Variants in BTBD9 observed in about 807,000 individuals in gnomAD.
BTBD9 encodes the protein BTB domain containing 9.
A neutral mutation model predicts 64.3 loss-of-function variants in BTBD9; 49 were observed. The ratio of observed to expected loss-of-function variants is 0.76; its 90% CI spans 0.61 to 0.97. BTBD9 has a LOEUF of 0.97. Ranked by LOEUF, BTBD9 falls within the 50% of genes least tolerant of loss-of-function variation. The pLI is 0.00. For synonymous variants in BTBD9, 260 were observed against 274.7 expected, an observed-to-expected ratio of 0.95 and a Z score of 0.53; for missense variants, 598 against 762.1, an observed-to-expected ratio of 0.78 and a Z score of 2.53.
At chr6:38,613,626 T>C (rs1284423627) in intron 1 of BTBD9, among the ~76,000 whole-genome samples, 1 of 151,918 alleles carries the variant, frequency 6.6e-6, no homozygotes, top group South Asian at 2.1e-4. Flanking sequence ...ACTTTATCTT[T>C]TTTAAAAAAA....
intron 7 of BTBD9, among the ~76,000 whole-genome samples, chr6:38,315,227 A>C (rs1378930318): frequency 6.6e-6 from 1 of 152,162 alleles, no homozygotes; most frequent in Non-Finnish European, 1.5e-5. Context: ...TTCAAAAAGG[A>C]AACTTTTTGT....
At chr6:38,604,164 A>G (rs1342723932) in intron 1 of BTBD9, among the ~76,000 whole-genome samples, 2 of 152,232 alleles carry the variant, frequency 1.3e-5, no homozygotes, top group Admixed American at 6.5e-5. Context: ...GTAAAGTGCT[A>G]CGTAAGAACA....
intron 6 of BTBD9, among the ~76,000 whole-genome samples, chr6:38,377,987 A>G (rs9349076): frequency 0.2 from 29,863 of 151,982 alleles, 3,808 homozygotes; most frequent in East Asian, 0.49. Context: ...ATCCTGCTCT[A>G]CTCACCCTTC....
intron 9 of BTBD9, among the ~76,000 whole-genome samples, chr6:38,229,900 G>A (rs148954734): frequency 1.3e-5 from 2 of 152,234 alleles, no homozygotes; most frequent in African/African-American, 4.8e-5. Context: ...CCAGAAACCC[G>A]AGAAGCATGC....
At chr6:38,350,767 T>C (rs1028876841) in intron 6 of BTBD9, among the ~76,000 whole-genome samples, 4 of 152,260 alleles carry the variant, frequency 2.6e-5, no homozygotes, top group African/African-American at 7.2e-5. Flanking sequence ...TTGTTGTTTG[T>C]TGTGGCCAGA....
At chr6:38,200,132 G>T (rs958412541) in intron 9 of BTBD9, among the ~76,000 whole-genome samples, 1 of 152,184 alleles carries the variant, frequency 6.6e-6, no homozygotes, top group Non-Finnish European at 1.5e-5. Flanking sequence ...CCACAGCAGG[G>T]GCTGAGGTAT....
intron 6 of BTBD9, among the ~76,000 whole-genome samples, chr6:38,518,072 C>T (rs1773117490): frequency 6.6e-6 from 1 of 152,142 alleles, no homozygotes; most frequent in African/African-American, 2.4e-5. Context: ...CACCTAAAAA[C>T]CTAAAAGACC....
At chr6:38,610,925 G>C (rs73733958) in intron 1 of BTBD9, among the ~76,000 whole-genome samples, 13 of 144,330 alleles carry the variant, frequency 9.0e-5, no homozygotes, top group Non-Finnish European at 1.8e-4. Flanking sequence ...GGTGGGGGGG[G>C]GACTAAACGT....
chr6:38,275,133 C>G (rs913951389), intron 8 of BTBD9, among the ~76,000 whole-genome samples: 1 of 152,218 alleles, frequency 6.6e-6, no homozygotes, highest in Admixed American at 6.5e-5. Flanking sequence ...CAGCATGGTA[C>G]TGGTTCCAAA....
rs1766668939 is a variant in BTBD9, at chr6:38,169,687, AG to A, written c.*5297del. 6.6e-6 allele frequency: 1 copy of A among 152,226 alleles called. No homozygotes were observed. Among genetic ancestry groups the A allele is most frequent in the Non-Finnish European group, 1.5e-5 (1 of 68,108 alleles). 9.4% of individuals were successfully genotyped at this position (152,226 alleles called of 1,614,324 possible). ...CGCAGTGACAGCCTTGGGGAGGCTG[AG>A]GGGGCTCTGTCAACCAGGGGACACT... On this transcript the variant is annotated 3_prime_UTR_variant, in exon 11 of 11. Coordinates refer to ENST00000481247, the MANE Select transcript of BTBD9 (RefSeq NM_001099272.2).
rs187655125 is a variant in BTBD9 at position 38,567,433 on chromosome 6, C to T, written c.1154+10167G>A. Reference sequence around the variant, plus strand: ...TTATAATTTGAAACATAAGTAAGGCCGCTAAAGAAAATATTACAGCTCTTA... The same window carrying T: ...TTATAATTTGAAACATAAGTAAGGCTGCTAAAGAAAATATTACAGCTCTTA... On this transcript the variant is annotated intron_variant, in intron 6 of 10. Transcript: ENST00000481247. Among the ~76,000 whole-genome samples, 111 of 152,156 alleles carry T rather than the reference C, an allele frequency of 7.3e-4. 1 individual carries two copies. The East Asian group carries it at 0.019, about 25-fold the overall frequency.
rs892136988 is a variant in BTBD9, at chr6:38,184,345, G to A, written c.1641+8174C>T. On this transcript the variant is annotated intron_variant, in intron 10 of 10. Transcript: ENST00000481247. The surrounding 1 kb of genome is among the most constrained non-coding windows in gnomAD (Gnocchi z 4.4). The stretch of plus-strand genomic sequence containing the variant: ...CTCGCATGCACCATACAGGGCCTCC[G>A]TGCTGCCATCTGAAACCTAAGTTTG... Among the ~76,000 whole-genome samples the A allele has an allele frequency of 6.6e-6, 1 of 152,196 alleles. No homozygotes were observed. The highest frequency in any genetic ancestry group is 1.5e-5 in the Non-Finnish European group (1 of 68,040).
In BTBD9 at chr6:38,480,846, T is replaced by TACCA. The variant is rs756338577; in HGVS notation, c.1154+96753_1154+96754insTGGT. Among the ~76,000 whole-genome samples, 1,055 of 152,254 alleles carry TACCA rather than the reference T, an allele frequency of 6.9e-3. 6 individuals carry two copies. Among genetic ancestry groups the TACCA allele is most frequent in the African/African-American group, 0.024 (997 of 41,524 alleles). On this transcript the variant is annotated intron_variant, in intron 6 of 10. Transcript: ENST00000481247. ...CTTCCCAAACAGACTGTAGTGTTGG[T>TACCA]AGACAGCATATAGCCATCACACAGG...
chr6:38,613,359 C>T (rs1385392359), intron 1 of BTBD9, among the ~76,000 whole-genome samples: 2 of 152,166 alleles, frequency 1.3e-5, no homozygotes, highest in Non-Finnish European at 2.9e-5. Flanking sequence ...TGGTGACTCA[C>T]GCTTGTAATC....
intron 6 of BTBD9, among the ~76,000 whole-genome samples, chr6:38,559,182 C>T (rs1032973292): frequency 6.6e-5 from 10 of 152,068 alleles, no homozygotes; most frequent in African/African-American, 9.7e-5. Context: ...CATTTCTTCT[C>T]GATTTTCTAG....
intron 7 of BTBD9, among the ~76,000 whole-genome samples, chr6:38,326,038 T>C (rs1394630778): frequency 6.6e-6 from 1 of 152,086 alleles, no homozygotes; most frequent in Non-Finnish European, 1.5e-5. Context: ...ATAAGCATCA[T>C]ACTAAGAAAC....
Position 38,296,992 on chromosome 6 carries a change from C to T in BTBD9, c.1265-8531G>A, listed in dbSNP as rs1258743561. Among the ~76,000 whole-genome samples the T allele has an allele frequency of 2.0e-5, 3 of 152,036 alleles. No homozygotes were observed. In the East Asian group the frequency reaches 5.8e-4, roughly 29 times the overall value. ...TCTCTAATTTGGGGGATGTATGGTT[C>T]TATATATATTTATTAGATCAAAATT... On this transcript the variant is annotated intron_variant, in intron 7 of 10. Coordinates refer to ENST00000481247, the MANE Select transcript of BTBD9 (RefSeq NM_001099272.2).
At chr6:38,618,253 G>A (rs1397741928) in intron 1 of BTBD9, among the ~76,000 whole-genome samples, 12 of 152,140 alleles carry the variant, frequency 7.9e-5, no homozygotes, top group African/African-American at 2.7e-4. Context: ...TCTGCACTAC[G>A]GCCTGGGCCC....
At chr6:38,593,902 T>C (rs1776923140) in intron 3 of BTBD9, 62 bp downstream of exon 3, 3 of 1,347,496 alleles carry the variant, frequency 2.2e-6, no homozygotes, top group Non-Finnish European at 3.1e-6. Flanking sequence ...GCTATACTTC[T>C]ACAGTATAGG....
Sources: allele counts gnomAD v4.1 joint callset (sites outside exome capture counted in the v4.1 genomes callset), GRCh38; gene constraint gnomAD v4.1.1; non-coding constraint Gnocchi (gnomAD v3.1); transcripts MANE v1.5; gene names NCBI Gene and HGNC (gene_info 2026-07-23, HGNC 2026-07-21).